The following DAB1 variants were observed in gnomAD, a reference collection of about 807,000 sequenced individuals.
DAB1 encodes disabled homolog 1.
Under a neutral mutation model 64.6 loss-of-function variants are expected in DAB1, and 15 were observed. That is an observed-to-expected ratio of 0.23 (90% CI 0.16 to 0.36). DAB1 has a LOEUF of 0.36. Among genes scored for constraint, DAB1 ranks in the 10% least tolerant of loss-of-function variants. The pLI, the probability that DAB1 is intolerant of heterozygous loss-of-function variation, is 1.00. For synonymous variants in DAB1, 235 were observed against 251.9 expected (o/e 0.93, Z 0.64); for missense variants, 596 against 706.7 (o/e 0.84, Z 1.78).
chr1:57,891,232 T>C (rs1292490179), intron 5 of DAB1, among the ~76,000 whole-genome samples: 2 of 152,178 alleles, frequency 1.3e-5, no homozygotes, highest in Non-Finnish European at 2.9e-5. Context: ...AAAGAAGACA[T>C]TTATGCGGCC....
chr1:57,924,341 A>C (rs1644849573), intron 5 of DAB1, among the ~76,000 whole-genome samples: 1 of 152,222 alleles, frequency 6.6e-6, no homozygotes, highest in Non-Finnish European at 1.5e-5. Context: ...TTATAAGCAA[A>C]TAAACTGAGG....
At chr1:58,186,032 C>T (rs955438372) in intron 4 of DAB1, among the ~76,000 whole-genome samples, 2 of 152,204 alleles carry the variant, frequency 1.3e-5, no homozygotes, top group Non-Finnish European at 2.9e-5. Flanking sequence ...AGAAAGGGTA[C>T]AGTCATGTGA....
In DAB1 at chr1:57,198,689, A is replaced by ACACACC. The variant is rs1228335383; in HGVS notation, c.68-53261_68-53260insGGTGTG. 6.0e-3 allele frequency among the ~76,000 whole-genome samples: 888 copies of ACACACC among 148,204 alleles called. 4 individuals are homozygous for ACACACC. The highest frequency in any genetic ancestry group is 7.9e-3 in the Non-Finnish European group (531 of 67,020). On this transcript the variant is annotated intron_variant, in intron 2 of 14. Coordinates refer to ENST00000371236, the MANE Select transcript of DAB1 (RefSeq NM_001365792.1). ...CACACACACACACACACACACACAC[A>ACACACC]CCCATCAACTTTTCCTGGGAGAGTA...
At chr1:58,153,921 C>T (rs72908426) in intron 4 of DAB1, among the ~76,000 whole-genome samples, 2,008 of 149,996 alleles carry the variant, frequency 0.013, 38 homozygotes, top group African/African-American at 0.047. Flanking sequence ...CAGGACTCCC[C>T]CCAAAACTAC....
At chr1:57,511,337 C>A (rs1259182992) in intron 7 of DAB1, among the ~76,000 whole-genome samples, 1 of 152,212 alleles carries the variant, frequency 6.6e-6, no homozygotes, top group Non-Finnish European at 1.5e-5. Flanking sequence ...ACGTTGCAAC[C>A]ACATGATCTT....
intron 4 of DAB1, among the ~76,000 whole-genome samples, chr1:58,197,097 G>A (rs1657717279): frequency 6.6e-6 from 1 of 152,188 alleles, no homozygotes; most frequent in Admixed American, 6.5e-5. Context: ...GATGCTGCTA[G>A]ATGGTGGAGT....
intron 3 of DAB1, among the ~76,000 whole-genome samples, chr1:58,495,698 C>T (rs1041721121): frequency 4.2e-5 from 6 of 143,588 alleles, no homozygotes; most frequent in Non-Finnish European, 9.2e-5. Context: ...GGATCTTCCA[C>T]CATAAAAAAA....
chr1:57,100,752 G>T (rs1288136531), intron 4 of DAB1, among the ~76,000 whole-genome samples: 1 of 146,962 alleles, frequency 6.8e-6, no homozygotes, highest in Non-Finnish European at 1.5e-5. Context: ...AGCTCGCCAA[G>T]CTGGGGTGGG....
At chr1:58,467,551 T>C (rs1052042390) in intron 3 of DAB1, among the ~76,000 whole-genome samples, 1 of 152,028 alleles carries the variant, frequency 6.6e-6, no homozygotes, top group East Asian at 1.9e-4. Flanking sequence ...CCAGTGAGGG[T>C]TGGGGAGAGA....
intron 9 of DAB1, among the ~76,000 whole-genome samples, chr1:57,032,256 A>G (rs1646986864): frequency 6.6e-6 from 1 of 152,154 alleles, no homozygotes; most frequent in Admixed American, 6.5e-5. Context: ...TTCAGTGGGC[A>G]GACATGGGAG....
intron 7 of DAB1, among the ~76,000 whole-genome samples, chr1:57,636,274 G>T (rs772854499): frequency 6.6e-6 from 1 of 152,058 alleles, no homozygotes; most frequent in Non-Finnish European, 1.5e-5. Context: ...AACCAAATTT[G>T]CTGACACTTT....
In DAB1 at chr1:57,796,659, C is replaced by G. The variant is rs192115263; in HGVS notation, n.551+87340G>C. Among the ~76,000 whole-genome samples the G allele has an allele frequency of 2.8e-3, 424 of 152,182 alleles. 1 individual carries two copies. Among genetic ancestry groups the G allele is most frequent in the Admixed American group, 5.9e-3 (90 of 15,292 alleles). On this transcript the variant is annotated intron_variant and non_coding_transcript_variant, in intron 6 of 20. Coordinates refer to the DAB1 transcript ENST00000485760. ...ACAAGGCAGAGGCTGTGGCTGACAC[C>G]CACTGGAGAAAGCAAAGGGGAGCTG...
chr1:58,314,139 C>T (rs748837430), intron 4 of DAB1, among the ~76,000 whole-genome samples: 1 of 152,068 alleles, frequency 6.6e-6, no homozygotes, highest in Non-Finnish European at 1.5e-5. Context: ...GAAGATTGGA[C>T]CCTCTGGTTG....
rs1200519241 is a variant in DAB1, at chr1:58,138,662, G to GA, written n.387+11848dup. ...AGGAGCCACTAAAGGTTTCTGAGTA[G>GA]AAAAACAATGCAATAAAGTCTGTAC... On this transcript the variant is annotated intron_variant and non_coding_transcript_variant, in intron 5 of 20. Transcript: ENST00000485760. Among the ~76,000 whole-genome samples the GA allele has an allele frequency of 3.9e-5, 6 of 152,130 alleles. No homozygotes were observed. In the East Asian group the frequency reaches 1.2e-3, roughly 29 times the overall value.
rs866743301 is a variant in DAB1 at position 57,284,732 on chromosome 1, C to A, written c.67+6232G>T. On this transcript the variant is annotated intron_variant, in intron 2 of 14. Transcript: ENST00000371236. ...CCTAATGAGATAATCAATATGATGG[C>A]AATTTATAAGCTCCTATGAGGTAAG... 3.3e-5 allele frequency among the ~76,000 whole-genome samples: 5 copies of A among 152,388 alleles called. No individual in the cohort carries two copies. The South Asian group carries it at 8.3e-4, about 25-fold the overall frequency.
At chr1:58,005,494 G>T (rs1399091232) in intron 5 of DAB1, among the ~76,000 whole-genome samples, 1 of 151,984 alleles carries the variant, frequency 6.6e-6, no homozygotes, top group East Asian at 1.9e-4. Context: ...CAACTTTAAG[G>T]GAAGCTGTTT....
At chr1:57,343,480 A>G (rs923902874) in intron 1 of DAB1, among the ~76,000 whole-genome samples, 3 of 152,192 alleles carry the variant, frequency 2.0e-5, no homozygotes, top group African/African-American at 7.2e-5. Context: ...GGTCGATGGG[A>G]CTAGGCGCCA....
chr1:57,784,702 T>C (rs1278937443), intron 6 of DAB1, among the ~76,000 whole-genome samples: 1 of 152,102 alleles, frequency 6.6e-6, no homozygotes, highest in East Asian at 1.9e-4. Context: ...CTAGCAGAAG[T>C]TGGTTCCTGA....
intron 2 of DAB1, among the ~76,000 whole-genome samples, chr1:57,260,710 C>T (rs2100554523): frequency 6.6e-6 from 1 of 152,266 alleles, no homozygotes; most frequent in African/African-American, 2.4e-5. Flanking sequence ...CCTAAGGTCA[C>T]AAAGCAGGTT....
Sources: allele counts gnomAD v4.1 joint callset (sites outside exome capture counted in the v4.1 genomes callset), GRCh38; gene constraint gnomAD v4.1.1; transcripts MANE v1.5; gene names NCBI Gene and HGNC (gene_info 2026-07-23, HGNC 2026-07-21).